Variants in RASGEF1C observed in about 807,000 individuals in gnomAD.
The protein encoded by RASGEF1C is ras-GEF domain-containing family member 1C.
A neutral mutation model predicts 58.1 loss-of-function variants in RASGEF1C; 27 were observed. That is an observed-to-expected ratio of 0.46 (90% confidence interval 0.34 to 0.64). The LOEUF is 0.64. Ranked by LOEUF, RASGEF1C falls within the 30% of genes least tolerant of loss-of-function variation. The pLI is 0.01. For synonymous variants in RASGEF1C, 243 were observed against 246.3 expected, an observed-to-expected ratio of 0.99 and a Z score of 0.13; for missense variants, 502 against 605.1, an observed-to-expected ratio of 0.83 and a Z score of 1.79.
intron 1 of RASGEF1C, among the ~76,000 whole-genome samples, chr5:180,200,682 T>TG (rs921786161): frequency 2.6e-5 from 4 of 152,150 alleles, no homozygotes; most frequent in Admixed American, 2.6e-4. Context: ...CCAGAGATAA[T>TG]GGTGGCCACC....
At chr5:180,204,995 C>A (rs1326159530) in intron 1 of RASGEF1C, among the ~76,000 whole-genome samples, 1 of 152,088 alleles carries the variant, frequency 6.6e-6, no homozygotes, top group African/African-American at 2.4e-5. Flanking sequence ...TCGAGATCAG[C>A]CTGGCCAAGA....
chr5:180,176,963 CATGTCTCCCCCTGG>C (rs1275126593), intron 1 of RASGEF1C, among the ~76,000 whole-genome samples: 5 of 152,200 alleles, frequency 3.3e-5, no homozygotes, highest in Non-Finnish European at 5.9e-5. Context: ...CAGTCCTGCC[CATGTCTCCCCCTGG>C]CATAACCCAA....
chr5:180,118,515 T>A (rs1426089348), intron 10 of RASGEF1C, 94 bp downstream of exon 10: 3 of 1,166,062 alleles, frequency 2.6e-6, no homozygotes, highest in Non-Finnish European at 3.7e-6. Context: ...CTATTACTGA[T>A]GCTGCAGGGG....
chr5:180,194,001 G>A (rs1220777785), intron 1 of RASGEF1C, among the ~76,000 whole-genome samples: 5 of 16,670 alleles, frequency 3.0e-4, no homozygotes, highest in Non-Finnish European at 6.0e-4. Flanking sequence ...TATTCTGTAT[G>A]GTGTTTGTTT....
Position 180,128,532 on chromosome 5 carries a change from G to A in RASGEF1C, c.517C>T (p.Leu173=). 6.2e-7 allele frequency: 1 copy of A among 1,614,146 alleles called. No homozygotes were observed. Among genetic ancestry groups the A allele is most frequent in the Non-Finnish European group, 8.5e-7 (1 of 1,180,028 alleles). The change falls in exon 5 of 14, where the codon CTG becomes TTG. Residue 173 remains leucine, a synonymous_variant. Transcript: ENST00000361132. ...LAALRQGPEG[L]VGADKPISYR... is the part of the protein sequence containing the mutation. ...GAGATGGGCTTGTCGGCACCCACCA[G>A]ACCTTCTGGCCCCTGGCGCAGAGCC...
At chr5:180,111,111 G>T (rs1765952740) in intron 12 of RASGEF1C, among the ~76,000 whole-genome samples, 1 of 152,162 alleles carries the variant, frequency 6.6e-6, no homozygotes, top group African/African-American at 2.4e-5. Context: ...ACTGTGCCTG[G>T]CGAGGGTGAT....
chr5:180,115,037 A>AT lies in RASGEF1C; in HGVS notation c.1084-497_1084-496insA, dbSNP rs1424599244. On this transcript the variant is annotated intron_variant, in intron 10 of 13. Coordinates refer to ENST00000361132, the MANE Select transcript of RASGEF1C (RefSeq NM_175062.4). ...TTGGTGGCCTCCTTTTTTTTTTGAGAGGAGTCTCACTCTGTCACCCAGGCT... is the reference window on the plus strand; with the variant it reads ...TTGGTGGCCTCCTTTTTTTTTTGAGATGGAGTCTCACTCTGTCACCCAGGCT... 6.6e-5 allele frequency among the ~76,000 whole-genome samples: 10 copies of AT among 151,110 alleles called. No individual in the cohort carries two copies. The East Asian group carries it at 1.4e-3, about 21-fold the overall frequency.
chr5:180,114,313 C>T (rs748537723), intron 11 of RASGEF1C, 133 bp downstream of exon 11: 14 of 746,168 alleles, frequency 1.9e-5, no homozygotes, highest in East Asian at 3.1e-5. Context: ...GATAACCTTG[C>T]CAAGGTCGGC....
chr5:180,134,821 G>A (rs1582273868), intron 4 of RASGEF1C, among the ~76,000 whole-genome samples: 1 of 3,820 alleles, frequency 2.6e-4, no homozygotes, highest in Non-Finnish European at 1.6e-3. Flanking sequence ...ATCTACCCTT[G>A]CTTCCTCCTT....
At chr5:180,118,955 G>T in intron 8 of RASGEF1C, 89 bp from the exon 9 acceptor site, 2 of 1,237,184 alleles carry the variant, frequency 1.6e-6, no homozygotes, top group Non-Finnish European at 2.4e-6. Flanking sequence ...ACCCTGACCA[G>T]GGCTGAGGTC....
intron 1 of RASGEF1C, among the ~76,000 whole-genome samples, chr5:180,194,169 G>A (rs535195763): frequency 6.6e-6 from 1 of 152,164 alleles, no homozygotes. Context: ...AGCCGGACGG[G>A]GAGGGCAGCC....
rs558847798 is a variant in RASGEF1C, at chr5:180,158,149, G to A, written c.-6-20091C>T. ...ATAAAGCCCATTTTTTTAAAAGATG[G>A]CTTGAAGGGAGTGGGGGTCTTGGTG... On this transcript the variant is annotated intron_variant, in intron 1 of 13. Transcript: ENST00000361132. The surrounding 1 kb of genome is among the most constrained non-coding windows in gnomAD (Gnocchi z 4.0). Among the ~76,000 whole-genome samples, 3 of 152,248 alleles carry A rather than the reference G, an allele frequency of 2.0e-5. No homozygotes were observed. The highest frequency in any genetic ancestry group is 1.9e-4 in the East Asian group (1 of 5,186).
chr5:180,111,422 G>T (rs771069688), intron 12 of RASGEF1C, 35 bp downstream of exon 12: 2 of 1,613,786 alleles, frequency 1.2e-6, no homozygotes, highest in South Asian at 1.1e-5. Flanking sequence ...GAGTTCCGTG[G>T]CCCAGTAGGC....
intron 6 of RASGEF1C, among the ~76,000 whole-genome samples, chr5:180,121,911 A>G (rs1766183772): frequency 6.6e-6 from 1 of 152,140 alleles, no homozygotes; most frequent in African/African-American, 2.4e-5. Flanking sequence ...TTGCATTTTC[A>G]TGCTTTTTGC....
chr5:180,163,254 C>CTTTTTTTTTTTG, intron 1 of RASGEF1C, among the ~76,000 whole-genome samples: 1 of 71,068 alleles, frequency 1.4e-5, no homozygotes, highest in Non-Finnish European at 2.5e-5. Flanking sequence ...TTTTTTTTTC[C>CTTTTTTTTTTTG]AGCCTATTGC....
intron 1 of RASGEF1C, among the ~76,000 whole-genome samples, chr5:180,141,047 C>T (rs562108116): frequency 5.9e-5 from 9 of 152,288 alleles, no homozygotes; most frequent in Non-Finnish European, 8.8e-5. Flanking sequence ...CTGTAAGTGA[C>T]GCTTTTATTA....
At chr5:180,201,089 C>T (rs193034892) in intron 1 of RASGEF1C, among the ~76,000 whole-genome samples, 75 of 152,236 alleles carry the variant, frequency 4.9e-4, no homozygotes, top group Non-Finnish European at 8.5e-4. Context: ...CAGAGCGAGA[C>T]CTTGTCTCTA....
chr5:180,192,722 A>C (rs1316122664), intron 1 of RASGEF1C, among the ~76,000 whole-genome samples: 1 of 148,552 alleles, frequency 6.7e-6, no homozygotes, highest in Non-Finnish European at 1.5e-5. Flanking sequence ...GTTAAATAAA[A>C]TATCTTCATA....
At chr5:180,180,350 C>A (rs2113322330) in intron 1 of RASGEF1C, among the ~76,000 whole-genome samples, 1 of 152,360 alleles carries the variant, frequency 6.6e-6, no homozygotes, top group South Asian at 2.1e-4. Context: ...CTGCCTCTTT[C>A]CTAAAGCCAG....
Sources: allele counts gnomAD v4.1 joint callset (sites outside exome capture counted in the v4.1 genomes callset), GRCh38; gene constraint gnomAD v4.1.1; non-coding constraint Gnocchi (gnomAD v3.1); transcripts MANE v1.5; gene names NCBI Gene and HGNC (gene_info 2026-07-23, HGNC 2026-07-21).